Variants in FOXK1 observed in about 807,000 individuals in gnomAD.
The protein encoded by FOXK1 is forkhead box protein K1.
In FOXK1, 19 loss-of-function variants were observed where a neutral mutation model predicts 51.9. The ratio of observed to expected loss-of-function variants is 0.37; its 90% CI spans 0.26 to 0.54. The LOEUF is 0.54. Ranked by LOEUF, FOXK1 falls within the 20% of genes least tolerant of loss-of-function variation. FOXK1 has a pLI of 0.87. For synonymous variants in FOXK1, 537 were observed against 482.6 expected (o/e 1.11, Z -1.48); for missense variants, 870 against 1,032.7 (o/e 0.84, Z 2.16).
chr7:4,745,328 G>T lies in FOXK1; in HGVS notation c.746+4305G>T, dbSNP rs965750145. Among the ~76,000 whole-genome samples the T allele has an allele frequency of 6.6e-6, 1 of 152,120 alleles. No individual in the cohort carries two copies. The highest frequency in any genetic ancestry group is 2.4e-5 in the African/African-American group (1 of 41,430). On this transcript the variant is annotated intron_variant, in intron 2 of 8. Transcript: ENST00000328914. This position sits in a 1 kb window ranked among gnomAD's most constrained non-coding sequence, Gnocchi z 4.3. ...ATTCCCAGGAGTCGGGAGTGGCTTGGGAGCGGCTTTTTCCTGGGGGAGCCT... is the reference window on the plus strand; with the variant it reads ...ATTCCCAGGAGTCGGGAGTGGCTTGTGAGCGGCTTTTTCCTGGGGGAGCCT...
chr7:4,746,344 A>T (rs933848157), intron 2 of FOXK1, among the ~76,000 whole-genome samples: 1 of 152,158 alleles, frequency 6.6e-6, no homozygotes, highest in Non-Finnish European at 1.5e-5. Flanking sequence ...CTACGTTAGA[A>T]ATACTCTCCT....
intron 1 of FOXK1, among the ~76,000 whole-genome samples, chr7:4,704,625 G>A (rs530187361): frequency 2.0e-5 from 3 of 152,190 alleles, no homozygotes; most frequent in East Asian, 1.9e-4. Context: ...GCAGCACGCA[G>A]CAGGAGGGAT....
At position 4,769,443 on chromosome 7, in the gene FOXK1, CTTT is replaced by C. The variant is rs71032990; in HGVS notation, c.*6990_*6992del. On this transcript the variant is annotated 3_prime_UTR_variant, in exon 9 of 9. Coordinates refer to ENST00000328914, the MANE Select transcript of FOXK1 (RefSeq NM_001037165.2). The surrounding 1 kb of genome is among the most constrained non-coding windows in gnomAD (Gnocchi z 4.1). ...CGGTCTCCAAGTCACTCTGTCACCA[CTTT>C]TTTTTTTTTTGAGATGGAGTCTCGC... 3 of 146,190 alleles carry C rather than the reference CTTT, an allele frequency of 2.1e-5. No homozygotes were observed. The highest frequency in any genetic ancestry group is 4.5e-5 in the Non-Finnish European group (3 of 66,100). The allele number at this position is 146,190 out of a possible 1,614,324, so 9.1% of individuals were successfully genotyped here.
intron 1 of FOXK1, among the ~76,000 whole-genome samples, chr7:4,696,005 A>G (rs1779946778): frequency 6.6e-6 from 1 of 151,622 alleles, no homozygotes; most frequent in South Asian, 2.1e-4. Flanking sequence ...AATCCCAACT[A>G]CTTAGGAACC....
intron 1 of FOXK1, among the ~76,000 whole-genome samples, chr7:4,699,658 G>A (rs528281357): frequency 1.3e-5 from 2 of 152,168 alleles, no homozygotes; most frequent in South Asian, 2.1e-4. Flanking sequence ...ATGAGCCACC[G>A]CACCTGGCCT....
In FOXK1 at chr7:4,762,818, C is replaced by T. The variant is rs544265134; in HGVS notation, c.*354C>T. ...GTGTCAAGACAGCCCCTCCGCTCCG[C>T]GCTGCACGGCCAGCCGCCTTTGTCC... On this transcript the variant is annotated 3_prime_UTR_variant, in exon 9 of 9. Transcript: ENST00000328914. This position sits in a 1 kb window ranked among gnomAD's most constrained non-coding sequence, Gnocchi z 5.7. 1.2e-4 allele frequency: 29 copies of T among 232,980 alleles called. No individual in the cohort carries two copies. The highest frequency in any genetic ancestry group is 5.4e-4 in the African/African-American group (24 of 44,052). 14.4% of individuals were successfully genotyped at this position (232,980 alleles called of 1,614,324 possible).
chr7:4,725,297 C>CCGGGAAATG (rs373416713), intron 1 of FOXK1, among the ~76,000 whole-genome samples: 101 of 152,356 alleles, frequency 6.6e-4, no homozygotes, highest in African/African-American at 2.4e-3. Context: ...GCCATCGGCT[C>CCGGGAAATG]CGGGAAATGC....
chr7:4,687,697 T>A (rs1779839094), intron 1 of FOXK1, among the ~76,000 whole-genome samples: 1 of 152,242 alleles, frequency 6.6e-6, no homozygotes. Context: ...GCATATCCCA[T>A]ACTTGCTCTT....
chr7:4,746,990 A>T (rs566248339), intron 2 of FOXK1, among the ~76,000 whole-genome samples: 2 of 152,062 alleles, frequency 1.3e-5, no homozygotes, highest in African/African-American at 4.8e-5. Flanking sequence ...GAAGGTTGGG[A>T]CTTTCTGTCT....
rs1780937153 is a variant in FOXK1, at chr7:4,761,889, C to A, written c.1922-295C>A. ...CGGGCGCATTGTCAGTGGGGTGGCTCAGGGCAGTGCATCTGTGTAAAGGAG... is the reference window on the plus strand; with the variant it reads ...CGGGCGCATTGTCAGTGGGGTGGCTAAGGGCAGTGCATCTGTGTAAAGGAG... On this transcript the variant is annotated intron_variant, in intron 8 of 8. Coordinates refer to ENST00000328914, the MANE Select transcript of FOXK1 (RefSeq NM_001037165.2). This position sits in a 1 kb window ranked among gnomAD's most constrained non-coding sequence, Gnocchi z 6.2. Among the ~76,000 whole-genome samples the A allele has an allele frequency of 6.6e-6, 1 of 151,806 alleles. No individual in the cohort carries two copies. Among genetic ancestry groups the A allele is most frequent in the Admixed American group, 6.6e-5 (1 of 15,262 alleles).
rs10247291 is a variant in FOXK1, at chr7:4,707,120, C to T, written c.560+24252C>T. 0.096 allele frequency among the ~76,000 whole-genome samples: 14,545 copies of T among 152,300 alleles called. 2,215 individuals are homozygous for T. Among genetic ancestry groups the T allele is most frequent in the African/African-American group, 0.32 (13,449 of 41,524 alleles). Reference sequence around the variant, plus strand: ...TCCAGTCTTAGAGAAGCAGCGATGTCTCCCCTCCGGGTTTCCCATGATGTT... The same window carrying T: ...TCCAGTCTTAGAGAAGCAGCGATGTTTCCCCTCCGGGTTTCCCATGATGTT... On this transcript the variant is annotated intron_variant, in intron 1 of 8. Transcript: ENST00000328914. This position sits in a 1 kb window ranked among gnomAD's most constrained non-coding sequence, Gnocchi z 4.1.
At chr7:4,714,884 G>C (rs1217381800) in intron 1 of FOXK1, among the ~76,000 whole-genome samples, 1 of 152,172 alleles carries the variant, frequency 6.6e-6, no homozygotes, top group African/African-American at 2.4e-5. Flanking sequence ...TTTCTCCAGA[G>C]AGCTGCGATG....
rs1020506625 is a variant in FOXK1, at chr7:4,722,945, T to C, written c.561-17893T>C. 1.3e-5 allele frequency among the ~76,000 whole-genome samples: 2 copies of C among 152,012 alleles called. No homozygotes were observed. Among genetic ancestry groups the C allele is most frequent in the East Asian group, 1.9e-4 (1 of 5,174 alleles). ...GGTGTGGTCAGAGGCAGGGCAGTTA[T>C]TGTAGGAAGAACCCCCAGGAGCAGG... On this transcript the variant is annotated intron_variant, in intron 1 of 8. Transcript: ENST00000328914. This position sits in a 1 kb window ranked among gnomAD's most constrained non-coding sequence, Gnocchi z 5.1.
intron 1 of FOXK1, among the ~76,000 whole-genome samples, chr7:4,698,506 T>G (rs532097824): frequency 1.4e-4 from 22 of 152,276 alleles, no homozygotes; most frequent in African/African-American, 5.3e-4. Context: ...TTAGGAACAT[T>G]AATGATGATC....
rs902344598 is a variant in FOXK1, at chr7:4,744,159, A to G, written c.746+3136A>G. Among the ~76,000 whole-genome samples the G allele has an allele frequency of 8.6e-5, 13 of 151,960 alleles. No homozygotes were observed. In the East Asian group the frequency reaches 9.6e-4, roughly 11 times the overall value. On this transcript the variant is annotated intron_variant, in intron 2 of 8. Transcript: ENST00000328914. The stretch of plus-strand genomic sequence containing the variant: ...AAAACTATTTCCCAGTGTTAATCCA[A>G]ATTTGCATAGTAAAGTCGCTTTTAT...
intron 1 of FOXK1, among the ~76,000 whole-genome samples, chr7:4,706,910 C>T (rs963666751): frequency 1.3e-5 from 2 of 152,204 alleles, no homozygotes; most frequent in Non-Finnish European, 2.9e-5. Context: ...CACCTCCCCC[C>T]GGGACTTCTG....
chr7:4,739,488 T>G (rs1780603208), intron 1 of FOXK1, among the ~76,000 whole-genome samples: 1 of 152,208 alleles, frequency 6.6e-6, no homozygotes, highest in Non-Finnish European at 1.5e-5. Flanking sequence ...GTTTAGAAAT[T>G]GAAAGGTGAC....
chr7:4,693,387 T>C (rs1583181325), intron 1 of FOXK1, among the ~76,000 whole-genome samples: 1 of 152,324 alleles, frequency 6.6e-6, no homozygotes, highest in East Asian at 1.9e-4. Context: ...TATAGAGCAG[T>C]TTTAGGTTCA....
chr7:4,731,733 T>C lies in FOXK1; in HGVS notation c.561-9105T>C, dbSNP rs986741847. Among the ~76,000 whole-genome samples the C allele has an allele frequency of 7.5e-6, 1 of 133,184 alleles. No individual in the cohort carries two copies. The highest frequency in any genetic ancestry group is 2.9e-5 in the African/African-American group (1 of 34,192). The allele number at this position is 133,184 out of a possible 152,430, so 87.4% of individuals were successfully genotyped here. A position where few individuals can be genotyped will look rare whatever the true frequency, so the allele number is the denominator to read the frequency against. ...GAGATTGCACCACTGCACTCCAGCC[T>C]GGGCAACAAAGCGAAACTCTGCCTC... On this transcript the variant is annotated intron_variant, in intron 1 of 8. Coordinates refer to ENST00000328914, the MANE Select transcript of FOXK1 (RefSeq NM_001037165.2). The surrounding 1 kb of genome is among the most constrained non-coding windows in gnomAD (Gnocchi z 5.3).
Sources: gnomAD v4.1 joint callset for allele counts (sites outside exome capture counted in the v4.1 genomes callset) on GRCh38, gnomAD v4.1.1 for gene constraint, Gnocchi (gnomAD v3.1) non-coding constraint, MANE v1.5 for transcripts, NCBI Gene and HGNC (gene_info 2026-07-23, HGNC 2026-07-21) for gene names.